TF: variants seen among roughly 807,000 people sequenced by gnomAD.
The protein encoded by TF is serotransferrin.
A neutral mutation model predicts 82.4 loss-of-function variants in TF; 55 were observed. The ratio of observed to expected loss-of-function variants is 0.67; its 90% confidence interval spans 0.54 to 0.84. The LOEUF (loss-of-function observed/expected upper bound fraction) is 0.84, where lower values mean the gene tolerates loss of function less well. TF is among the 40% of genes least tolerant of loss of function. The pLI, the probability that TF is intolerant of heterozygous loss-of-function variation, is 0.00. For missense variants in TF, 737 were observed against 868.4 expected, an observed-to-expected ratio of 0.85 and a Z score of 1.90; for synonymous variants, 332 against 332.6, an observed-to-expected ratio of 1.00 and a Z score of 0.02.
chr3:133,699,754 A>G, the TF span: 1 of 375,820 alleles, frequency 2.7e-6, no homozygotes, highest in Non-Finnish European at 5.2e-6. Context: ...GCCATGCCAC[A>G]TGTGATCCTC....
At chr3:133,769,189 C>G (rs1017108948) in intron 13 of TF, among the ~76,000 whole-genome samples, 1 of 152,164 alleles carries the variant, frequency 6.6e-6, no homozygotes, top group African/African-American at 2.4e-5. Context: ...GGTATTATAA[C>G]TGAGCTTCCC....
At chr3:133,674,188 T>C in the TF span, among the ~76,000 whole-genome samples, 1 of 152,302 alleles carries the variant, frequency 6.6e-6, no homozygotes, top group African/African-American at 2.4e-5. Context: ...CCTAAGCTTT[T>C]GTATTTTTGA....
chr3:133,756,361 C>T, intron 6 of TF, 24 bp downstream of exon 6: 1 of 1,612,924 alleles, frequency 6.2e-7, no homozygotes, highest in East Asian at 2.2e-5. Flanking sequence ...AAGAATCCAC[C>T]AGGGCCACTC....
Position 133,778,416 on chromosome 3 carries a change from G to T in TF, c.2063-170G>T, listed in dbSNP as rs1934449324. The T allele has an allele frequency of 8.0e-6, 5 of 626,674 alleles. No individual in the cohort carries two copies. In the Admixed American group the frequency reaches 1.1e-4, roughly 14 times the overall value. 38.8% of individuals were successfully genotyped at this position (626,674 alleles called of 1,614,324 possible). A position where few individuals can be genotyped will look rare whatever the true frequency, so the allele number is the denominator to read the frequency against. On this transcript the variant is annotated intron_variant, in intron 16 of 16. Transcript: ENST00000402696. ...GGGGCACTCCCCAGGATAGGCACAG[G>T]AGCTGTGCAGGCAAGTAGAAAAGAG...
the TF span, among the ~76,000 whole-genome samples, chr3:133,681,826 C>A: frequency 1.5e-4 from 23 of 152,204 alleles, no homozygotes; most frequent in African/African-American, 4.8e-4. Context: ...CTTAAACATC[C>A]CTGTCTGACA....
chr3:133,762,595 G>A (rs1446865954), intron 9 of TF, among the ~76,000 whole-genome samples: 1 of 151,992 alleles, frequency 6.6e-6, no homozygotes, highest in Non-Finnish European at 1.5e-5. Flanking sequence ...TAGGGTTTCA[G>A]GTTCCAAGAC....
chr3:133,763,781 G>GC (rs953868663), intron 9 of TF, among the ~76,000 whole-genome samples: 1 of 152,216 alleles, frequency 6.6e-6, no homozygotes, highest in African/African-American at 2.4e-5. Context: ...AGAGGCTAGA[G>GC]CCCCCCTTCA....
chr3:133,778,443 A>C (rs972606828), intron 16 of TF, 143 bp from the exon 17 acceptor site: 1 of 792,180 alleles, frequency 1.3e-6, no homozygotes, highest in South Asian at 1.5e-5. Context: ...AGAAAAGAGC[A>C]CTGGGAGAAC....
chr3:133,723,095 G>A, the TF span, among the ~76,000 whole-genome samples: 1 of 151,920 alleles, frequency 6.6e-6, no homozygotes, highest in Non-Finnish European at 1.5e-5. Flanking sequence ...CTTTGAATAT[G>A]TCATGCCATT....
intron 13 of TF, among the ~76,000 whole-genome samples, chr3:133,768,737 T>C (rs1934188776): frequency 6.6e-6 from 1 of 152,022 alleles, no homozygotes; most frequent in Admixed American, 6.6e-5. Flanking sequence ...TTGTACTTTA[T>C]GGAGTGCCTA....
chr3:133,712,405 G>A, the TF span, among the ~76,000 whole-genome samples: 3 of 152,124 alleles, frequency 2.0e-5, no homozygotes, highest in Non-Finnish European at 4.4e-5. Flanking sequence ...TCCATCTTTC[G>A]ATGCCACTGC....
At chr3:133,748,785 C>A (rs1485291332) in intron 2 of TF, 24 of 666,614 alleles carry the variant, frequency 3.6e-5, no homozygotes, top group Non-Finnish European at 5.9e-5. Flanking sequence ...AGCACATTAA[C>A]TTTTGCTTTC....
the TF span, among the ~76,000 whole-genome samples, chr3:133,694,860 T>A: frequency 9.5e-6 from 1 of 105,568 alleles, no homozygotes; most frequent in Admixed American, 9.7e-5. Flanking sequence ...TTTTATTTAT[T>A]TATTTATTTA....
intron 3 of TF, chr3:133,753,907 TA>T (rs1933747123): frequency 1.6e-6 from 1 of 644,804 alleles, no homozygotes; most frequent in Non-Finnish European, 2.8e-6. Context: ...CTGGTGCTCC[TA>T]AAACTGAGCC....
At chr3:133,757,544 G>A (rs184488149) in intron 7 of TF, among the ~76,000 whole-genome samples, 9 of 152,310 alleles carry the variant, frequency 5.9e-5, no homozygotes, top group South Asian at 2.1e-4. Context: ...GTCTCAACCC[G>A]TTCCGGGAGA....
chr3:133,771,743 C>CAAAAAAAAAAAAAAAAAAA (rs71136494), intron 14 of TF, among the ~76,000 whole-genome samples: 26 of 56,540 alleles, frequency 4.6e-4, no homozygotes, highest in Admixed American at 9.0e-4. Flanking sequence ...GACTCCGTCT[C>CAAAAAAAAAAAAAAAAAAA]AAAAAAAAAA....
the TF span, chr3:133,699,905 G>A: frequency 5.2e-6 from 1 of 192,720 alleles, no homozygotes; most frequent in South Asian, 1.0e-4. Context: ...TTCTAAACAG[G>A]TCCTCAGGAT....
chr3:133,736,648 A>AAAAAAAAAAAAC, the TF span, among the ~76,000 whole-genome samples: 1 of 150,168 alleles, frequency 6.7e-6, no homozygotes, highest in African/African-American at 2.4e-5. Flanking sequence ...AAAAAAAAAA[A>AAAAAAAAAAAAC]AAAGCAGGGG....
the TF span, among the ~76,000 whole-genome samples, chr3:133,711,020 A>G: frequency 1.3e-5 from 2 of 152,230 alleles, no homozygotes; most frequent in South Asian, 4.1e-4. Context: ...ATGACCTCTC[A>G]GCAGCATTTC....
Sources: gnomAD v4.1 joint callset for allele counts (sites outside exome capture counted in the v4.1 genomes callset) on GRCh38, gnomAD v4.1.1 for gene constraint, MANE v1.5 for transcripts, NCBI Gene and HGNC (gene_info 2026-07-23, HGNC 2026-07-21) for gene names.